The following TGM1 variants were observed in gnomAD, a reference collection of about 807,000 sequenced individuals.
TGM1 encodes the protein protein-glutamine gamma-glutamyltransferase K.
Under a neutral mutation model 88.7 loss-of-function variants are expected in TGM1, and 63 were observed. The ratio of observed to expected loss-of-function variants is 0.71; its 90% confidence interval spans 0.58 to 0.88. The LOEUF (loss-of-function observed/expected upper bound fraction) is 0.88, where lower values mean the gene tolerates loss of function less well. Ranked by LOEUF, TGM1 falls within the 40% of genes least tolerant of loss-of-function variation. The probability of loss-of-function intolerance (pLI) is 0.00; values close to 1 mark genes in which losing one functional copy is unlikely to be tolerated. For missense variants in TGM1, 996 were observed against 1,118.0 expected, an observed-to-expected ratio of 0.89 and a Z score of 1.56; for synonymous variants, 415 against 431.1, an observed-to-expected ratio of 0.96 and a Z score of 0.46.
Position 24,249,413 on chromosome 14 carries a change from T to G in TGM1, c.2354A>C (p.Asp785Ala). The change falls in exon 15 of 15, where the codon GAT (aspartate) becomes GCT (alanine). Residue 785 changes from aspartate to alanine, a missense_variant. Coordinates refer to ENST00000206765, the MANE Select transcript of TGM1 (RefSeq NM_000359.3). Reference sequence around the variant, plus strand: ...CCCATCCCCAGGGGCTGGGGCCACATCCACCTGGATGACACCGTGCACCTG... The same window carrying G: ...CCCATCCCCAGGGGCTGGGGCCACAGCCACCTGGATGACACCGTGCACCTG... Reference protein sequence around the residue: ...LSQVHGVIQVDVAPAPGDGGF... With the variant: ...LSQVHGVIQVAVAPAPGDGGF... 1 of 1,613,974 alleles carries G rather than the reference T, an allele frequency of 6.2e-7. No individual in the cohort carries two copies. Among genetic ancestry groups the G allele is most frequent in the Non-Finnish European group, 8.5e-7 (1 of 1,179,998 alleles).
intron 14 of TGM1, among the ~76,000 whole-genome samples, chr14:24,251,724 C>T (rs2040702673): frequency 6.6e-6 from 1 of 152,244 alleles, no homozygotes; most frequent in African/African-American, 2.4e-5. Flanking sequence ...TTAAACCATA[C>T]ACACAGGCGT....
chr14:24,254,702 G>A lies in TGM1; in HGVS notation c.2050C>T (p.His684Tyr), dbSNP rs2040730094. 6 of 1,613,880 alleles carry A rather than the reference G, an allele frequency of 3.7e-6. No homozygotes were observed. Among genetic ancestry groups the A allele is most frequent in the Non-Finnish European group, 4.2e-6 (5 of 1,180,046 alleles). ...KESGQVLAKQ[H>Y]TFRLRTPDLS... ...TCTGGGGTGCGCAGACGGAAGGTGT[G>A]CTGCTTGGCCAGCACCTGCCCGCTC... The change falls in exon 13 of 15, where the codon CAC becomes TAC. Residue 684 changes from histidine to tyrosine, a missense_variant. His to Tyr is a moderately conservative substitution (Grantham distance 83). Coordinates refer to ENST00000206765, the MANE Select transcript of TGM1 (RefSeq NM_000359.3).
At chr14:24,250,148 C>CCG (rs2040688743) in intron 14 of TGM1, among the ~76,000 whole-genome samples, 1 of 142,958 alleles carries the variant, frequency 7.0e-6, no homozygotes, top group South Asian at 2.3e-4. Flanking sequence ...CCTTATGTCT[C>CCG]TGTGTGTGTG....
intron 12 of TGM1, 26 bp from the exon 13 acceptor site, chr14:24,254,850 T>A (rs924418240): frequency 6.8e-6 from 11 of 1,613,420 alleles, no homozygotes; most frequent in Non-Finnish European, 9.3e-6. Context: ...ATGGCGTCAC[T>A]GAGGCCTGCT....
chr14:24,253,038 G>T (rs1194182178), intron 14 of TGM1, among the ~76,000 whole-genome samples: 1 of 152,200 alleles, frequency 6.6e-6, no homozygotes, highest in Non-Finnish European at 1.5e-5. Flanking sequence ...CTGGGTAAGG[G>T]CCTGAGGGAT....
At chr14:24,254,546 T>A in intron 13 of TGM1, 118 bp downstream of exon 13, 1 of 1,523,994 alleles carries the variant, frequency 6.6e-7, no homozygotes, top group Non-Finnish European at 9.0e-7. Context: ...GTCCTTGACC[T>A]TCTCCTACAA....
intron 3 of TGM1, among the ~76,000 whole-genome samples, chr14:24,260,950 G>A (rs2040803986): frequency 6.6e-6 from 1 of 152,176 alleles, no homozygotes; most frequent in Admixed American, 6.5e-5. Context: ...CTGAGGTGGG[G>A]AGGAGAGACG....
rs767832464 is a variant in TGM1, at chr14:24,259,529, T to TG, written c.984+174dup. Among the ~76,000 whole-genome samples, 1 of 150,744 alleles carries TG rather than the reference T, an allele frequency of 6.6e-6. No individual in the cohort carries two copies. The highest frequency in any genetic ancestry group is 2.4e-5 in the African/African-American group (1 of 40,898). ...GGGACAGGAGCCAGGAAAGGCGGGG[T>TG]GGGGGGCAGGCAAGGGAGAGAAGAG... On this transcript the variant is annotated intron_variant, in intron 6 of 14. Coordinates refer to ENST00000206765, the MANE Select transcript of TGM1 (RefSeq NM_000359.3). This position sits in a 1 kb window ranked among gnomAD's most constrained non-coding sequence, Gnocchi z 5.7.
In TGM1 at chr14:24,255,603, G is replaced by A. The variant is rs2040744448; in HGVS notation, c.1492-86C>T. The A allele has an allele frequency of 6.4e-7, 1 of 1,570,022 alleles. No homozygotes were observed. The highest frequency in any genetic ancestry group is 8.7e-7 in the Non-Finnish European group (1 of 1,149,006). ...CCCGGCCTCCTTCCCCTGATCCCAG[G>A]AGCTATGGGACAGGGCTTGGTCCCA... is the stretch of plus-strand genomic sequence containing the variant. On this transcript the variant is annotated intron_variant, in intron 10 of 14. Transcript: ENST00000206765. The surrounding 1 kb of genome is among the most constrained non-coding windows in gnomAD (Gnocchi z 4.0).
Position 24,259,945 on chromosome 14 carries a change from C to T in TGM1, c.871G>A (p.Gly291Ser), listed in dbSNP as rs1437822062. 2.7e-5 allele frequency: 44 copies of T among 1,613,904 alleles called. No homozygotes were observed. Among genetic ancestry groups the T allele is most frequent in the Non-Finnish European group, 3.4e-5 (40 of 1,179,900 alleles). Residue 291 changes from glycine (G) to serine (S), a missense_variant, in exon 5 of 15, where the codon GGC (glycine) becomes AGC (serine). Physicochemically the swap from Gly to Ser is moderately conservative, Grantham distance 56 (BLOSUM62 0). Transcript: ENST00000206765. This position sits in a 1 kb window ranked among gnomAD's most constrained non-coding sequence, Gnocchi z 5.7. ...AQIGERTWNY[G>S]QFDHGVLDAC... Reference sequence around the variant, plus strand: ...CCTGGCCAGCCGCACCATACCTGGCCGTAGTTCCAGGTCCGCTCACCAATC... The same window carrying T: ...CCTGGCCAGCCGCACCATACCTGGCTGTAGTTCCAGGTCCGCTCACCAATC...
chr14:24,252,942 T>C (rs966425012), intron 14 of TGM1, among the ~76,000 whole-genome samples: 4 of 152,170 alleles, frequency 2.6e-5, no homozygotes, highest in African/African-American at 9.7e-5. Flanking sequence ...GTATCAAAGA[T>C]GACAGCCGCA....
chr14:24,255,105 C>T lies in TGM1; in HGVS notation c.1794G>A (p.Val598=), dbSNP rs151000505. 2 of 1,614,044 alleles carry T rather than the reference C, an allele frequency of 1.2e-6. No homozygotes were observed. The highest frequency in any genetic ancestry group is 2.7e-5 in the African/African-American group (2 of 74,934). The change falls in exon 12 of 15, where the codon GTG becomes GTA. Residue 598 remains valine (V), a synonymous_variant. Coordinates refer to ENST00000206765, the MANE Select transcript of TGM1 (RefSeq NM_000359.3). The surrounding 1 kb of genome is among the most constrained non-coding windows in gnomAD (Gnocchi z 4.0). The part of the protein sequence containing the change: ...AVMGQDLMVS[V]MLINHSSSRR... Reference sequence around the variant, plus strand: ...GGCTGCTGCTGTGATTGATCAGCATCACAGAGACCATCAGATCCTGCCCCA... The same window carrying T: ...GGCTGCTGCTGTGATTGATCAGCATTACAGAGACCATCAGATCCTGCCCCA...
intron 1 of TGM1, among the ~76,000 whole-genome samples, chr14:24,262,630 C>T (rs2040824180): frequency 6.6e-6 from 1 of 152,222 alleles, no homozygotes; most frequent in Non-Finnish European, 1.5e-5. Context: ...AACGATCCAT[C>T]CCAGGAAATC....
chr14:24,258,254 G>T, intron 9 of TGM1, 31 bp downstream of exon 9: 1 of 1,554,242 alleles, frequency 6.4e-7, no homozygotes. Context: ...GATAAGCAGG[G>T]GCATGGTGGG....
chr14:24,260,846 C>T, intron 3 of TGM1, 148 bp from the exon 4 acceptor site: 1 of 1,107,740 alleles, frequency 9.0e-7, no homozygotes, highest in Non-Finnish European at 1.3e-6. Flanking sequence ...TGACAGTCTC[C>T]CTTAGAGCAG....
rs1179205807 is a variant in TGM1, at chr14:24,259,072, T to A, written c.1159+3A>T. 1 of 1,613,942 alleles carries A rather than the reference T, an allele frequency of 6.2e-7. No individual in the cohort carries two copies. The highest frequency in any genetic ancestry group is 8.5e-7 in the Non-Finnish European group (1 of 1,179,964). ...GCCACTCCTGTCCCAGTCCCTCCAC[T>A]ACCTGTGGTGGTCACGCCAGCAAAG... is the stretch of plus-strand genomic sequence containing the variant. On this transcript the variant is annotated splice_donor_region_variant and intron_variant, in intron 7 of 14. Transcript: ENST00000206765. The surrounding 1 kb of genome is among the most constrained non-coding windows in gnomAD (Gnocchi z 5.7).
chr14:24,259,673 CAGT>C lies in TGM1; in HGVS notation c.984+28_984+30del. ...TGTGGCGAGGCAGCAGGCACACACACAGTAGGACTCAGAGATGTGAGGGTGCTC... is the reference window on the plus strand; with the variant it reads ...TGTGGCGAGGCAGCAGGCACACACACAGGACTCAGAGATGTGAGGGTGCTC... On this transcript the variant is annotated intron_variant, in intron 6 of 14. Coordinates refer to ENST00000206765, the MANE Select transcript of TGM1 (RefSeq NM_000359.3). This position sits in a 1 kb window ranked among gnomAD's most constrained non-coding sequence, Gnocchi z 5.7. 1 of 1,574,304 alleles carries C rather than the reference CAGT, an allele frequency of 6.4e-7. No homozygotes were observed. The highest frequency in any genetic ancestry group is 1.8e-4 in the Middle Eastern group (1 of 5,682).
chr14:24,250,458 C>G (rs1360179406), intron 14 of TGM1, among the ~76,000 whole-genome samples: 1 of 152,166 alleles, frequency 6.6e-6, no homozygotes, highest in African/African-American at 2.4e-5. Context: ...CACAGGCTCA[C>G]TCTGACCCAG....
chr14:24,255,292 C>G lies in TGM1; in HGVS notation c.1646-39G>C, dbSNP rs767140464. 1.9e-6 allele frequency: 3 copies of G among 1,614,172 alleles called. No individual in the cohort carries two copies. Among genetic ancestry groups the G allele is most frequent in the South Asian group, 1.1e-5 (1 of 91,088 alleles). On this transcript the variant is annotated intron_variant, in intron 11 of 14. Transcript: ENST00000206765. The surrounding 1 kb of genome is among the most constrained non-coding windows in gnomAD (Gnocchi z 4.0). Reference sequence around the variant, plus strand: ...GTCAAGGGTGAGGTTCCAATTCCCACGTGGGTGGCCAAGCACTTGGCAGGA... The same window carrying G: ...GTCAAGGGTGAGGTTCCAATTCCCAGGTGGGTGGCCAAGCACTTGGCAGGA...
Sources: gnomAD v4.1 joint callset for allele counts (sites outside exome capture counted in the v4.1 genomes callset) on GRCh38, gnomAD v4.1.1 for gene constraint, Gnocchi (gnomAD v3.1) non-coding constraint, MANE v1.5 for transcripts, NCBI Gene and HGNC (gene_info 2026-07-23, HGNC 2026-07-21) for gene names.